TENM2: variants seen among roughly 807,000 people sequenced by gnomAD.
TENM2 encodes the protein teneurin-2.
TENM2 carries 52 observed loss-of-function variants against 245.2 expected under a neutral mutation model. The ratio of observed to expected loss-of-function variants is 0.21; its 90% confidence interval spans 0.17 to 0.27. TENM2 has a LOEUF of 0.27. Ranked by LOEUF, TENM2 falls within the 10% of genes least tolerant of loss-of-function variation. TENM2 has a pLI of 1.00. For synonymous variants in TENM2, 1,363 were observed against 1,438.9 expected, an observed-to-expected ratio of 0.95 and a Z score of 1.19; for missense variants, 3,046 against 3,666.8, an observed-to-expected ratio of 0.83 and a Z score of 4.37.
intron 2 of TENM2, among the ~76,000 whole-genome samples, chr5:167,787,056 G>A (rs536962626): frequency 1.6e-4 from 25 of 152,248 alleles, no homozygotes; most frequent in African/African-American, 5.8e-4. Context: ...CAACAATCTT[G>A]CAAAGCAGAG....
At chr5:167,151,359 T>C in the TENM2 span, among the ~76,000 whole-genome samples, 3 of 152,062 alleles carry the variant, frequency 2.0e-5, no homozygotes, top group African/African-American at 7.2e-5. Context: ...GGCCATGGAG[T>C]GCTCTCCAAC....
At chr5:167,307,258 G>T (rs1415797372) in intron 1 of TENM2, among the ~76,000 whole-genome samples, 2 of 152,162 alleles carry the variant, frequency 1.3e-5, no homozygotes, top group Non-Finnish European at 2.9e-5. Context: ...CAGAGGCTGT[G>T]GGCAAAGGGG....
chr5:167,600,110 T>TCCACTC, intron 2 of TENM2, among the ~76,000 whole-genome samples: 1 of 23,720 alleles, frequency 4.2e-5, no homozygotes. Flanking sequence ...TACGTGGAAC[T>TCCACTC]CAGAGGAGAA....
chr5:167,176,873 A>G, the TENM2 span, among the ~76,000 whole-genome samples: 1 of 152,194 alleles, frequency 6.6e-6, no homozygotes, highest in Admixed American at 6.5e-5. Context: ...TTTAATCTGG[A>G]TGGAGAACGT....
At chr5:167,800,026 G>A (rs1487260246) in intron 2 of TENM2, among the ~76,000 whole-genome samples, 1 of 152,176 alleles carries the variant, frequency 6.6e-6, no homozygotes, top group Non-Finnish European at 1.5e-5. Context: ...TTTGGTCAGT[G>A]TTACCACCCA....
chr5:167,216,921 C>T, the TENM2 span, among the ~76,000 whole-genome samples: 1 of 149,616 alleles, frequency 6.7e-6, no homozygotes, highest in Non-Finnish European at 1.5e-5. Flanking sequence ...CGTGAGACCC[C>T]ATCTCAAAAA....
chr5:167,886,448 G>A (rs1774298620), intron 3 of TENM2, among the ~76,000 whole-genome samples: 1 of 152,150 alleles, frequency 6.6e-6, no homozygotes, highest in African/African-American at 2.4e-5. Context: ...GAGGATATGT[G>A]GGCTGGGCAG....
exon 29 of TENM2, chr5:168,262,205 T>A: frequency 2.5e-6 from 4 of 1,610,152 alleles, no homozygotes; most frequent in Admixed American, 1.7e-5. Context: ...AGGCATCATG[T>A]TTGCCATCAA....
chr5:167,876,049 A>C lies in TENM2; in HGVS notation c.566A>C (p.His189Pro), dbSNP rs535441150. 2.6e-6 allele frequency: 4 copies of C among 1,551,468 alleles called. No individual in the cohort carries two copies. In the South Asian group the frequency reaches 4.8e-5, roughly 18 times the overall value. ...CCATCTGCTCAGCTGCCTAGCTCCC[A>C]TAATCCTCCACCAGTTAGCTGCCAG... The change falls in exon 3 of 29, where the codon CAT (histidine) becomes CCT (proline). Residue 189 changes from histidine to proline, a missense_variant. By Grantham distance (77) the His-to-Pro change is moderately conservative. This residue lies in a region of TENM2 where 342 missense variants were observed against 335.0 expected (regional missense o/e 1.02). Coordinates refer to ENST00000518659, the Ensembl canonical transcript of TENM2.
intron 25 of TENM2, among the ~76,000 whole-genome samples, chr5:168,242,491 A>G (rs1318112159): frequency 1.3e-5 from 2 of 152,220 alleles, no homozygotes; most frequent in African/African-American, 4.8e-5. Context: ...TTCCAGACCA[A>G]TCCAACCACT....
intron 19 of TENM2, among the ~76,000 whole-genome samples, chr5:168,210,188 T>C (rs1466503337): frequency 6.6e-6 from 1 of 152,210 alleles, no homozygotes; most frequent in African/African-American, 2.4e-5. Flanking sequence ...CCTGCTGTGA[T>C]CCTGGACTGG....
chr5:167,775,603 G>A (rs1216582387), intron 2 of TENM2, among the ~76,000 whole-genome samples: 1 of 152,120 alleles, frequency 6.6e-6, no homozygotes, highest in Non-Finnish European at 1.5e-5. Flanking sequence ...AAGTACTTCA[G>A]TCAAGGACTG....
chr5:167,194,370 T>G, the TENM2 span, among the ~76,000 whole-genome samples: 3 of 152,050 alleles, frequency 2.0e-5, no homozygotes. Flanking sequence ...TAGTTCTACA[T>G]GACCCACTTT....
intron 2 of TENM2, among the ~76,000 whole-genome samples, chr5:167,598,811 A>T (rs1046014174): frequency 2.6e-5 from 4 of 152,276 alleles, no homozygotes; most frequent in East Asian, 3.9e-4. Context: ...TATCAAAGTA[A>T]AGGGGAAAAA....
intron 2 of TENM2, among the ~76,000 whole-genome samples, chr5:167,741,875 C>T (rs192947758): frequency 6.6e-6 from 1 of 152,108 alleles, no homozygotes; most frequent in Admixed American, 6.6e-5. Flanking sequence ...TTTCTAGAAA[C>T]TGTATTAAGC....
chr5:167,868,736 TAAAA>T (rs11345222), intron 2 of TENM2, among the ~76,000 whole-genome samples: 18 of 123,454 alleles, frequency 1.5e-4, no homozygotes, highest in South Asian at 5.8e-4. Flanking sequence ...AGATTCTGTC[TAAAA>T]AAAAAAAAAA....
chr5:168,049,714 T>C (rs559725515), intron 6 of TENM2, among the ~76,000 whole-genome samples: 1 of 152,356 alleles, frequency 6.6e-6, no homozygotes, highest in South Asian at 2.1e-4. Context: ...CAACATGCTT[T>C]TGAAAATGTT....
intron 2 of TENM2, among the ~76,000 whole-genome samples, chr5:167,776,878 T>G (rs1467251294): frequency 1.3e-5 from 2 of 152,138 alleles, no homozygotes; most frequent in African/African-American, 4.8e-5. Context: ...CCCATCATTT[T>G]TTTCCAGTTG....
At chr5:167,365,281 T>G (rs967784934) in intron 1 of TENM2, among the ~76,000 whole-genome samples, 1 of 151,540 alleles carries the variant, frequency 6.6e-6, no homozygotes, top group African/African-American at 2.4e-5. Flanking sequence ...GGGGTACAGA[T>G]AAAGAGGAAA....
Sources: allele counts gnomAD v4.1 joint callset (sites outside exome capture counted in the v4.1 genomes callset), GRCh38; gene constraint gnomAD v4.1.1; regional missense constraint gnomAD v4.1.1; transcripts MANE v1.5; gene names NCBI Gene and HGNC (gene_info 2026-07-23, HGNC 2026-07-21).